Variants in MINPP1 observed in about 807,000 individuals in gnomAD.
MINPP1 encodes the protein multiple inositol-polyphosphate phosphatase 1.
A neutral mutation model predicts 46.1 loss-of-function variants in MINPP1; 28 were observed. The ratio of observed to expected loss-of-function variants is 0.61; its 90% confidence interval spans 0.45 to 0.83. The LOEUF (loss-of-function observed/expected upper bound fraction) is 0.83, where lower values mean the gene tolerates loss of function less well. Among genes scored for constraint, MINPP1 ranks in the 40% least tolerant of loss-of-function variants. The pLI is 0.00. For missense variants in MINPP1, 603 were observed against 610.0 expected, an observed-to-expected ratio of 0.99 and a Z score of 0.12; for synonymous variants, 268 against 249.1, an observed-to-expected ratio of 1.08 and a Z score of -0.72.
Position 87,552,823 on chromosome 10 carries a change from C to T in MINPP1, c.*345C>T, listed in dbSNP as rs190449501. ...GAAAAGTGCTGGAGTAACAAAATAT[C>T]TCAGTTGGACCATCCTTAACTTGAT... On this transcript the variant is annotated 3_prime_UTR_variant, in exon 5 of 5. Coordinates refer to ENST00000371996, the MANE Select transcript of MINPP1 (RefSeq NM_004897.5). 6 of 304,640 alleles carry T rather than the reference C, an allele frequency of 2.0e-5. No individual in the cohort carries two copies. In the Admixed American group the frequency reaches 2.9e-4, roughly 15 times the overall value. The allele number at this position is 304,640 out of a possible 1,614,324, so 18.9% of individuals were successfully genotyped here.
At chr10:87,527,802 C>G (rs1851599140) in intron 4 of MINPP1, among the ~76,000 whole-genome samples, 1 of 152,106 alleles carries the variant, frequency 6.6e-6, no homozygotes, top group Non-Finnish European at 1.5e-5. Flanking sequence ...GTCTTTGTAC[C>G]TCTTGTAGAA....
intron 3 of MINPP1, among the ~76,000 whole-genome samples, chr10:87,519,323 A>G (rs959156525): frequency 6.6e-6 from 1 of 152,218 alleles, no homozygotes; most frequent in African/African-American, 2.4e-5. Context: ...CAGGTTTGCC[A>G]GCTTCCTTTC....
intron 4 of MINPP1, among the ~76,000 whole-genome samples, chr10:87,534,281 C>G (rs1851702930): frequency 6.6e-6 from 1 of 152,172 alleles, no homozygotes; most frequent in African/African-American, 2.4e-5. Flanking sequence ...TCTTGAACTC[C>G]TAACCTCAGG....
Position 87,552,286 on chromosome 10 carries a change from T to C in MINPP1, c.1272T>C (p.Asn424=), listed in dbSNP as rs1464984830. The change falls in exon 5 of 5, where the codon AAT becomes AAC. Residue 424 remains asparagine, a synonymous_variant. Transcript: ENST00000371996. ...TATTTGTGCTTTACCACTGTGAAAA[T>C]GCTAAGACTCCTAAAGAACAATTCC... is the stretch of plus-strand genomic sequence containing the variant. ...NLIFVLYHCE[N]AKTPKEQFRV... 2.5e-6 allele frequency: 4 copies of C among 1,613,722 alleles called. No individual in the cohort carries two copies. The African/African-American group carries it at 4.0e-5, about 16-fold the overall frequency.
chr10:87,510,077 A>C (rs1470166794), intron 2 of MINPP1, among the ~76,000 whole-genome samples: 1 of 152,298 alleles, frequency 6.6e-6, no homozygotes, highest in Non-Finnish European at 1.5e-5. Flanking sequence ...TTGAATAACT[A>C]TGATTTTTGA....
At chr10:87,524,925 A>T (rs1025013171) in intron 4 of MINPP1, among the ~76,000 whole-genome samples, 8 of 151,930 alleles carry the variant, frequency 5.3e-5, no homozygotes, top group South Asian at 2.1e-4. Context: ...AGTAATAATT[A>T]AAAAAACTTT....
intron 4 of MINPP1, among the ~76,000 whole-genome samples, chr10:87,544,387 T>G (rs1243267029): frequency 6.6e-6 from 1 of 152,200 alleles, no homozygotes; most frequent in Non-Finnish European, 1.5e-5. Flanking sequence ...CCTGTCCTCT[T>G]GGGTTCTTAT....
At chr10:87,542,880 G>A (rs749102175) in intron 4 of MINPP1, among the ~76,000 whole-genome samples, 1 of 152,230 alleles carries the variant, frequency 6.6e-6, no homozygotes, top group Non-Finnish European at 1.5e-5. Context: ...CTGAAGATGT[G>A]GAAGTAGCTT....
chr10:87,518,218 C>G (rs998824569), intron 3 of MINPP1, among the ~76,000 whole-genome samples: 3 of 151,824 alleles, frequency 2.0e-5, no homozygotes, highest in African/African-American at 7.3e-5. Flanking sequence ...CTCAGCCTCC[C>G]AAAGTGCTGG....
intron 4 of MINPP1, among the ~76,000 whole-genome samples, chr10:87,526,727 G>T (rs1309094217): frequency 6.6e-6 from 1 of 152,134 alleles, no homozygotes; most frequent in African/African-American, 2.4e-5. Flanking sequence ...TTTGTATAAG[G>T]TGTGAGGAAG....
chr10:87,541,274 T>G (rs1851812170), intron 4 of MINPP1, among the ~76,000 whole-genome samples: 1 of 152,178 alleles, frequency 6.6e-6, no homozygotes, highest in Non-Finnish European at 1.5e-5. Context: ...AGTTTGATAT[T>G]TTGCCAGTTG....
intron 4 of MINPP1, among the ~76,000 whole-genome samples, chr10:87,523,843 G>C (rs1851536890): frequency 6.6e-6 from 1 of 152,166 alleles, no homozygotes; most frequent in African/African-American, 2.4e-5. Context: ...ATTTTGAAAG[G>C]AATCTTTCTT....
chr10:87,542,273 C>A (rs1477211214), intron 4 of MINPP1, among the ~76,000 whole-genome samples: 1 of 152,042 alleles, frequency 6.6e-6, no homozygotes. Flanking sequence ...ACCAGCAGGG[C>A]AGTTGTTAAA....
intron 4 of MINPP1, among the ~76,000 whole-genome samples, chr10:87,525,502 T>C (rs1184426984): frequency 6.6e-6 from 1 of 152,228 alleles, no homozygotes; most frequent in African/African-American, 2.4e-5. Flanking sequence ...TAATATTCCT[T>C]TGTATTACTA....
rs1564668874 is a variant in MINPP1, at chr10:87,504,916, ATGC to A, written c.3_5del (p.MetLeu1_?2). The A allele has an allele frequency of 6.2e-7, 1 of 1,610,296 alleles. No individual in the cohort carries two copies. Among genetic ancestry groups the A allele is most frequent in the Admixed American group, 1.7e-5 (1 of 59,894 alleles). On this transcript the variant is annotated start_lost and inframe_deletion, in exon 1 of 5. Coordinates refer to ENST00000371996, the MANE Select transcript of MINPP1 (RefSeq NM_004897.5). ...GCGCACTCCACTGACCGTCCCGACG[ATGC>A]TACGCGCGCCCGGCTGCCTCCTCCG...
chr10:87,526,566 A>T lies in MINPP1; in HGVS notation c.1067+5397A>T, dbSNP rs537992817. ...TTAGTTTAATTAGATCCCATTTGTC[A>T]ATTTTGGCTTTTGTTGCCATTGCTT... On this transcript the variant is annotated intron_variant, in intron 4 of 4. Coordinates refer to ENST00000371996, the MANE Select transcript of MINPP1 (RefSeq NM_004897.5). Among the ~76,000 whole-genome samples the T allele has an allele frequency of 2.0e-4, 30 of 152,202 alleles. 1 individual carries two copies. The East Asian group carries it at 5.6e-3, about 28-fold the overall frequency.
In MINPP1 at chr10:87,508,483, T is replaced by TA. The variant is rs1487068341; in HGVS notation, c.792dup (p.Val265SerfsTer11). 2 of 1,613,872 alleles carry TA rather than the reference T, an allele frequency of 1.2e-6. No individual in the cohort carries two copies. Among genetic ancestry groups the TA allele is most frequent in the Admixed American group, 1.7e-5 (1 of 60,022 alleles). ...ACTGGACCAGAAATGCAGAACATTT[T>TA]AAAAAAAGTTGCAGCTACTTTGCAA... is the stretch of plus-strand genomic sequence containing the variant. On this transcript the variant is annotated frameshift_variant, in exon 2 of 5. Coordinates refer to ENST00000371996, the MANE Select transcript of MINPP1 (RefSeq NM_004897.5). LOFTEE classifies it high-confidence loss of function.
At chr10:87,536,215 A>G (rs1048749384) in intron 4 of MINPP1, among the ~76,000 whole-genome samples, 1 of 151,572 alleles carries the variant, frequency 6.6e-6, no homozygotes, top group African/African-American at 2.4e-5. Context: ...ATTGTCTCCA[A>G]ACTCAAAGTT....
At chr10:87,526,457 A>G (rs1258381567) in intron 4 of MINPP1, among the ~76,000 whole-genome samples, 11 of 152,176 alleles carry the variant, frequency 7.2e-5, no homozygotes, top group Non-Finnish European at 1.5e-4. Flanking sequence ...CCTTTGTCAG[A>G]TGGGTAGATT....
Sources: gnomAD v4.1 joint callset for allele counts (sites outside exome capture counted in the v4.1 genomes callset) on GRCh38, gnomAD v4.1.1 for gene constraint, MANE v1.5 for transcripts, NCBI Gene and HGNC (gene_info 2026-07-23, HGNC 2026-07-21) for gene names.